ACKR3: variants seen among roughly 807,000 people sequenced by gnomAD.
ACKR3 encodes the protein atypical chemokine receptor 3, also known as C-X-C chemokine receptor type 7.
In ACKR3, 6 loss-of-function variants were observed where a neutral mutation model predicts 22.4. That is an observed-to-expected ratio of 0.27 (90% CI 0.15 to 0.53). The LOEUF is 0.53. Among genes scored for constraint, ACKR3 ranks in the 20% least tolerant of loss-of-function variants. The pLI, the probability that ACKR3 is intolerant of heterozygous loss-of-function variation, is 0.96. For missense variants in ACKR3, 396 were observed against 475.2 expected (o/e 0.83, Z 1.55); for synonymous variants, 209 against 205.2 (o/e 1.02, Z -0.16).
At chr2:236,571,477 G>A (rs923665656) in intron 1 of ACKR3, among the ~76,000 whole-genome samples, 10 of 152,112 alleles carry the variant, frequency 6.6e-5, no homozygotes, top group African/African-American at 2.4e-4. Context: ...ATAAAGCATC[G>A]CCAAGGCAGC....
chr2:236,578,171 G>A (rs532366169), intron 1 of ACKR3, among the ~76,000 whole-genome samples: 3 of 152,344 alleles, frequency 2.0e-5, no homozygotes, highest in East Asian at 3.9e-4. Flanking sequence ...GAAAGATGGC[G>A]ATAGTAGCTT....
upstream of ACKR3, among the ~76,000 whole-genome samples, chr2:236,566,730 T>TCCCTTCC (rs767482928): frequency 4.8e-5 from 7 of 146,894 alleles, no homozygotes; most frequent in African/African-American, 1.8e-4. Context: ...CTTCCTTCCT[T>TCCCTTCC]CCTTCCTTCC....
chr2:236,557,578 T>C, the ACKR3 span, among the ~76,000 whole-genome samples: 1 of 152,248 alleles, frequency 6.6e-6, no homozygotes, highest in Admixed American at 6.5e-5. Context: ...AACTAAATAC[T>C]GAGAGTAATG....
At chr2:236,537,981 A>G in the ACKR3 span, among the ~76,000 whole-genome samples, 4 of 152,272 alleles carry the variant, frequency 2.6e-5, no homozygotes, top group African/African-American at 9.6e-5. Flanking sequence ...ATAACCTAAT[A>G]AGAAAGTGTT....
upstream of ACKR3, among the ~76,000 whole-genome samples, chr2:236,564,062 C>T (rs1378057644): frequency 1.3e-5 from 2 of 152,224 alleles, no homozygotes; most frequent in South Asian, 2.1e-4. Context: ...AAGGAAAACT[C>T]CACCTTTCCA....
chr2:236,543,738 T>C, the ACKR3 span, among the ~76,000 whole-genome samples: 1 of 152,014 alleles, frequency 6.6e-6, no homozygotes, highest in Admixed American at 6.6e-5. Context: ...GTCACTTGTA[T>C]TATCTGGAAG....
upstream of ACKR3, among the ~76,000 whole-genome samples, chr2:236,563,012 T>C (rs531095600): frequency 6.6e-6 from 1 of 152,320 alleles, no homozygotes; most frequent in African/African-American, 2.4e-5. Flanking sequence ...TGGATGGCAT[T>C]GTGACTACAG....
intron 1 of ACKR3, among the ~76,000 whole-genome samples, chr2:236,573,996 T>C (rs1691358799): frequency 6.6e-6 from 1 of 151,972 alleles, no homozygotes; most frequent in Non-Finnish European, 1.5e-5. Flanking sequence ...AAGTCCCCCA[T>C]AAGCCACCAG....
rs1691554459 is a variant in ACKR3, at chr2:236,582,090, A to G, written c.*536A>G. ...TATATATATAAATATATATAAATAT[A>G]TAAATATATGCCAGTCTTGGCTGAA... is the stretch of plus-strand genomic sequence containing the variant. On this transcript the variant is annotated 3_prime_UTR_variant, in exon 2 of 2. Coordinates refer to ENST00000272928, the MANE Select transcript of ACKR3 (RefSeq NM_020311.3). 1.8e-5 allele frequency: 3 copies of G among 164,482 alleles called. No homozygotes were observed. Among genetic ancestry groups the G allele is most frequent in the African/African-American group, 7.3e-5 (3 of 41,048 alleles). The allele number at this position is 164,482 out of a possible 1,614,324, so 10.2% of individuals were successfully genotyped here.
chr2:236,572,327 T>G (rs1691325890), intron 1 of ACKR3, among the ~76,000 whole-genome samples: 1 of 152,252 alleles, frequency 6.6e-6, no homozygotes, highest in Admixed American at 6.5e-5. Flanking sequence ...AGACTGTGTT[T>G]TGTTCCAGGC....
chr2:236,578,546 G>C (rs1043945736), intron 1 of ACKR3, among the ~76,000 whole-genome samples: 2 of 152,244 alleles, frequency 1.3e-5, no homozygotes, highest in African/African-American at 4.8e-5. Context: ...CTTTCTGTCA[G>C]CCGTGGAGGA....
the ACKR3 span, among the ~76,000 whole-genome samples, chr2:236,547,001 T>C: frequency 6.6e-6 from 1 of 152,224 alleles, no homozygotes; most frequent in African/African-American, 2.4e-5. Flanking sequence ...ACATCCTCTC[T>C]TGTCGGGCTT....
At chr2:236,571,256 C>G (rs1691301402) in intron 1 of ACKR3, among the ~76,000 whole-genome samples, 1 of 152,160 alleles carries the variant, frequency 6.6e-6, no homozygotes, top group Non-Finnish European at 1.5e-5. Context: ...ACAATTTGCT[C>G]TTTTTTCCCC....
At chr2:236,557,948 T>C in the ACKR3 span, among the ~76,000 whole-genome samples, 30 of 152,208 alleles carry the variant, frequency 2.0e-4, no homozygotes, top group African/African-American at 7.0e-4. Flanking sequence ...CAACCTGTTA[T>C]GTTCAGATGT....
the ACKR3 span, among the ~76,000 whole-genome samples, chr2:236,538,703 G>A: frequency 6.6e-6 from 1 of 152,190 alleles, no homozygotes; most frequent in Admixed American, 6.5e-5. Flanking sequence ...AGGCACGGTT[G>A]CCAGATAAAA....
the ACKR3 span, among the ~76,000 whole-genome samples, chr2:236,538,574 C>T: frequency 6.6e-4 from 101 of 152,242 alleles, 1 homozygote; most frequent in East Asian, 7.9e-3. Context: ...TAAGGTGGAC[C>T]GGGGCAGAGC....
chr2:236,566,715 C>T (rs969894423), upstream of ACKR3, among the ~76,000 whole-genome samples: 2 of 139,134 alleles, frequency 1.4e-5, no homozygotes, highest in Admixed American at 7.5e-5. Flanking sequence ...CCTTCCTTTC[C>T]TTCCCTTCCT....
chr2:236,549,099 T>C, the ACKR3 span, among the ~76,000 whole-genome samples: 1 of 152,216 alleles, frequency 6.6e-6, no homozygotes, highest in Non-Finnish European at 1.5e-5. The surrounding 1 kb of genome is among the most constrained non-coding windows in gnomAD (Gnocchi z 5.3). Flanking sequence ...ACTTTGCTTA[T>C]CCAATATGAG....
At chr2:236,562,544 A>G in the ACKR3 span, among the ~76,000 whole-genome samples, 1 of 152,104 alleles carries the variant, frequency 6.6e-6, no homozygotes, top group Non-Finnish European at 1.5e-5. Context: ...CTGGGTCACA[A>G]GGTAAGAGTA....
Sources: gnomAD v4.1 joint callset for allele counts (sites outside exome capture counted in the v4.1 genomes callset) on GRCh38, gnomAD v4.1.1 for gene constraint, Gnocchi (gnomAD v3.1) non-coding constraint, MANE v1.5 for transcripts, NCBI Gene and HGNC (gene_info 2026-07-23, HGNC 2026-07-21) for gene names.